Variants in DAB1 observed in about 807,000 individuals in gnomAD.
DAB1 encodes the protein DAB adaptor protein 1, also known as disabled homolog 1.
DAB1 carries 15 observed loss-of-function variants against 64.6 expected under a neutral mutation model. The ratio of observed to expected loss-of-function variants is 0.23; its 90% confidence interval spans 0.16 to 0.36. The LOEUF (loss-of-function observed/expected upper bound fraction) is 0.36. Ranked by LOEUF, DAB1 falls within the 10% of genes least tolerant of loss-of-function variation. The pLI, the probability that DAB1 is intolerant of heterozygous loss-of-function variation, is 1.00. For missense variants in DAB1, 596 were observed against 706.7 expected (o/e 0.84, Z 1.78); for synonymous variants, 235 against 251.9 (o/e 0.93, Z 0.64).
intron 1 of DAB1, among the ~76,000 whole-genome samples, chr1:57,373,925 C>A (rs1443378517): frequency 4.6e-5 from 7 of 152,134 alleles, no homozygotes; most frequent in Non-Finnish European, 1.0e-4. Flanking sequence ...ATTTTTCCAG[C>A]CTTATTTCAG....
intron 3 of DAB1, among the ~76,000 whole-genome samples, chr1:58,487,287 T>C (rs112515126): frequency 6.6e-6 from 1 of 152,244 alleles, no homozygotes; most frequent in African/African-American, 2.4e-5. Flanking sequence ...AGATGAGTCC[T>C]AAATTTCCTC....
At chr1:57,350,915 G>A (rs1678539759) in intron 1 of DAB1, among the ~76,000 whole-genome samples, 1 of 152,116 alleles carries the variant, frequency 6.6e-6, no homozygotes, top group African/African-American at 2.4e-5. Context: ...CGCAGTGTTA[G>A]GAGCTACAAA....
chr1:58,426,185 C>T (rs1342783023), intron 3 of DAB1, among the ~76,000 whole-genome samples: 1 of 152,138 alleles, frequency 6.6e-6, no homozygotes, highest in South Asian at 2.1e-4. Flanking sequence ...AAGTGGCATA[C>T]CTAGGGCCCC....
chr1:58,039,639 T>A (rs1647103390), intron 5 of DAB1, among the ~76,000 whole-genome samples: 1 of 152,138 alleles, frequency 6.6e-6, no homozygotes, highest in Non-Finnish European at 1.5e-5. Context: ...TACAGGAGTT[T>A]GACATCTGAG....
chr1:57,416,018 A>T (rs1684467550), intron 1 of DAB1, among the ~76,000 whole-genome samples: 1 of 152,148 alleles, frequency 6.6e-6, no homozygotes, highest in Non-Finnish European at 1.5e-5. Context: ...GAGAGAAGGT[A>T]ATCTACTGTC....
intron 8 of DAB1, among the ~76,000 whole-genome samples, chr1:57,064,060 C>T (rs1650670406): frequency 6.6e-6 from 1 of 152,152 alleles, no homozygotes; most frequent in South Asian, 2.1e-4. Flanking sequence ...TCTGCTGAGA[C>T]ATATGGTAAA....
intron 5 of DAB1, among the ~76,000 whole-genome samples, chr1:57,999,214 C>G (rs1426189926): frequency 6.6e-6 from 1 of 152,136 alleles, no homozygotes; most frequent in Non-Finnish European, 1.5e-5. Flanking sequence ...TTCTCATAAC[C>G]TGTAGAACAA....
Position 57,212,495 on chromosome 1 carries a change from G to A in DAB1, c.68-67066C>T, listed in dbSNP as rs1054835010. Among the ~76,000 whole-genome samples the A allele has an allele frequency of 1.3e-4, 19 of 149,808 alleles. 1 individual carries two copies. The South Asian group carries it at 3.9e-3, about 30-fold the overall frequency. On this transcript the variant is annotated intron_variant, in intron 2 of 14. Transcript: ENST00000371236. ...CCATTCTCCTGCCTCAGCCTCCGGAGTAGCTGGGACTACAGACGGCTGCCA... is the reference window on the plus strand; with the variant it reads ...CCATTCTCCTGCCTCAGCCTCCGGAATAGCTGGGACTACAGACGGCTGCCA...
chr1:57,220,887 C>G (rs1453314683), intron 2 of DAB1, among the ~76,000 whole-genome samples: 4 of 152,144 alleles, frequency 2.6e-5, no homozygotes, highest in Non-Finnish European at 5.9e-5. Context: ...CCCAGCCATC[C>G]CATTACTGGG....
intron 6 of DAB1, among the ~76,000 whole-genome samples, chr1:57,813,263 G>GATAATCA (rs1651710720): frequency 6.6e-6 from 1 of 152,152 alleles, no homozygotes; most frequent in South Asian, 2.1e-4. Context: ...ATGGCAAAAT[G>GATAATCA]ATAATCAATT....
intron 5 of DAB1, among the ~76,000 whole-genome samples, chr1:57,971,944 G>T (rs1645806186): frequency 6.6e-6 from 1 of 152,102 alleles, no homozygotes; most frequent in South Asian, 2.1e-4. Flanking sequence ...CAAATTGTGG[G>T]CTACAGATCC....
chr1:57,576,581 G>C (rs978386004), intron 7 of DAB1, among the ~76,000 whole-genome samples: 13 of 152,168 alleles, frequency 8.5e-5, no homozygotes, highest in African/African-American at 3.1e-4. Context: ...TCTCCTACAA[G>C]TTTCAGAGGG....
chr1:57,687,195 G>C (rs1009157478), intron 6 of DAB1, among the ~76,000 whole-genome samples: 1 of 152,138 alleles, frequency 6.6e-6, no homozygotes, highest in Non-Finnish European at 1.5e-5. Context: ...CTGTAGTAAA[G>C]TTTTGGGATA....
At chr1:57,296,873 C>G (rs975654703) in intron 1 of DAB1, among the ~76,000 whole-genome samples, 1 of 152,034 alleles carries the variant, frequency 6.6e-6, no homozygotes, top group South Asian at 2.1e-4. Flanking sequence ...ATGCTAAGTC[C>G]GGGAAAAATT....
At chr1:57,552,971 T>C (rs1310248310) in intron 7 of DAB1, among the ~76,000 whole-genome samples, 1 of 152,098 alleles carries the variant, frequency 6.6e-6, no homozygotes, top group Admixed American at 6.6e-5. Context: ...ATGAGGCTTC[T>C]GGGAAAGAGT....
At chr1:58,232,805 C>T (rs1030611808) in intron 4 of DAB1, among the ~76,000 whole-genome samples, 3 of 152,148 alleles carry the variant, frequency 2.0e-5, no homozygotes, top group African/African-American at 7.2e-5. Flanking sequence ...AGGCTCTGTT[C>T]AATCAAATAT....
intron 3 of DAB1, among the ~76,000 whole-genome samples, chr1:58,498,422 C>A (rs1279495375): frequency 6.6e-6 from 1 of 152,086 alleles, no homozygotes; most frequent in African/African-American, 2.4e-5. Context: ...CTATTTCCAA[C>A]TCTCTCCCTT....
chr1:58,471,178 C>T (rs1320637384), intron 3 of DAB1, among the ~76,000 whole-genome samples: 1 of 152,154 alleles, frequency 6.6e-6, no homozygotes, highest in Non-Finnish European at 1.5e-5. Context: ...CAACCCAGTG[C>T]CACTGGAGTT....
At chr1:58,375,458 G>A (rs1309715643) in intron 3 of DAB1, among the ~76,000 whole-genome samples, 1 of 135,978 alleles carries the variant, frequency 7.4e-6, no homozygotes, top group Non-Finnish European at 1.6e-5. Context: ...TTTGTCTTTG[G>A]TTCTGTTTAT....
Sources: allele counts gnomAD v4.1 joint callset (sites outside exome capture counted in the v4.1 genomes callset), GRCh38; gene constraint gnomAD v4.1.1; transcripts MANE v1.5; gene names NCBI Gene and HGNC (gene_info 2026-07-23, HGNC 2026-07-21).